Variants in ERICH4 observed in about 807,000 individuals in gnomAD.
ERICH4 encodes the protein glutamate-rich protein 4.
A neutral mutation model predicts 5.2 loss-of-function variants in ERICH4; 4 were observed. The ratio of observed to expected loss-of-function variants is 0.77; its 90% CI spans 0.38 to 1.76. ERICH4 has a LOEUF of 1.76. Among genes scored for constraint, ERICH4 ranks in the 40% most tolerant of loss-of-function variants. The probability of loss-of-function intolerance (pLI) is 0.04; values close to 1 mark genes in which losing one functional copy is unlikely to be tolerated. For missense variants in ERICH4, 164 were observed against 159.8 expected (o/e 1.03, Z -0.14); for synonymous variants, 75 against 68.7 (o/e 1.09, Z -0.45).
rs2040132439 is a variant in ERICH4, at chr19:41,443,250, C to A, written c.81C>A (p.Val27=). ...CACCCCCCCAGGCCCTGAGGGAGGT[C>A]TCCCCAGTGGAAATCCCTGGTCAGA... is the stretch of plus-strand genomic sequence containing the variant. ...LGPPPQALRE[V]SPVEIPGQTL... is the part of the protein sequence containing the mutation. The change falls in exon 1 of 2, where the codon GTC becomes GTA. Residue 27 remains valine, a synonymous_variant. Coordinates refer to ENST00000378187, the MANE Select transcript of ERICH4 (RefSeq NM_001130514.3). The A allele has an allele frequency of 6.9e-7, 1 of 1,441,114 alleles. No homozygotes were observed. The highest frequency in any genetic ancestry group is 9.2e-7 in the Non-Finnish European group (1 of 1,091,780). 89.3% of individuals were successfully genotyped at this position (1,441,114 alleles called of 1,614,324 possible).
chr19:41,443,970 G>T (rs1555773509), intron 1 of ERICH4, 36 bp from the exon 2 acceptor site: 7 of 1,513,052 alleles, frequency 4.6e-6, no homozygotes, highest in Non-Finnish European at 6.3e-6. Context: ...TGCTCTCTGG[G>T]GTGGCATCCC....
chr19:41,444,047 G>T lies in ERICH4; in HGVS notation c.216G>T (p.Leu72=). 2 of 1,550,762 alleles carry T rather than the reference G, an allele frequency of 1.3e-6. No individual in the cohort carries two copies. Among genetic ancestry groups the T allele is most frequent in the Non-Finnish European group, 1.7e-6 (2 of 1,146,660 alleles). The part of the protein sequence containing the change: ...RRVDVQLLGQ[L]CSLGLEMGAL... ...TGGATGTCCAGCTGCTGGGACAGCT[G>T]TGCAGCCTGGGGCTGGAGATGGGGG... is the stretch of plus-strand genomic sequence containing the variant. Residue 72 remains leucine, a synonymous_variant, in exon 2 of 2, where the codon CTG becomes CTT. Coordinates refer to ENST00000378187, the MANE Select transcript of ERICH4 (RefSeq NM_001130514.3).
In ERICH4 at chr19:41,443,176, C is replaced by G. The variant is rs782487252; in HGVS notation, c.7C>G (p.Leu3Val). Residue 3 changes from leucine (L) to valine (V), a missense_variant, in exon 1 of 2, where the codon CTG becomes GTG. Physicochemically the swap from Leu to Val is conservative, Grantham distance 32 (BLOSUM62 1). Coordinates refer to ENST00000378187, the MANE Select transcript of ERICH4 (RefSeq NM_001130514.3). ...CAGCCATAGCTCAGAGACGATGGAA[C>G]TGTGGAGGCAGCTGAATCAGGCTGG... is the stretch of plus-strand genomic sequence containing the variant. ME[L>V]WRQLNQAGLV... 130 of 1,471,372 alleles carry G rather than the reference C, an allele frequency of 8.8e-5. No homozygotes were observed. Among genetic ancestry groups the G allele is most frequent in the Non-Finnish European group, 1.2e-4 (128 of 1,109,584 alleles). The allele number at this position is 1,471,372 out of a possible 1,614,324, so 91.1% of individuals were successfully genotyped here. A position where few individuals can be genotyped will look rare whatever the true frequency, so the allele number is the denominator to read the frequency against.
At chr19:41,443,932 C>T (rs1355769112) in intron 1 of ERICH4, 74 bp from the exon 2 acceptor site, 8 of 1,214,044 alleles carry the variant, frequency 6.6e-6, no homozygotes, top group Non-Finnish European at 9.3e-6. Flanking sequence ...TTGGGACCTG[C>T]TCTCACCCAG....
At chr19:41,443,779 CAGAG>C (rs782077246) in intron 1 of ERICH4, among the ~76,000 whole-genome samples, 32 of 151,860 alleles carry the variant, frequency 2.1e-4, no homozygotes, top group African/African-American at 2.9e-4. Flanking sequence ...AGGGAGGAGA[CAGAG>C]AGAGAGAAGT....
In ERICH4 at chr19:41,443,229, C is replaced by A; in HGVS notation, c.60C>A (p.Pro20=). Residue 20 remains proline (P), a synonymous_variant, in exon 1 of 2, where the codon CCC becomes CCA. Coordinates refer to ENST00000378187, the MANE Select transcript of ERICH4 (RefSeq NM_001130514.3). The part of the protein sequence containing the change: ...AGLVPPGLGP[P]PQALREVSPV... Reference sequence around the variant, plus strand: ...TGGTGCCTCCGGGGCTGGGCCCACCCCCCCAGGCCCTGAGGGAGGTCTCCC... The same window carrying A: ...TGGTGCCTCCGGGGCTGGGCCCACCACCCCAGGCCCTGAGGGAGGTCTCCC... 1 of 1,463,436 alleles carries A rather than the reference C, an allele frequency of 6.8e-7. No individual in the cohort carries two copies. The highest frequency in any genetic ancestry group is 9.1e-7 in the Non-Finnish European group (1 of 1,103,742). 90.7% of individuals were successfully genotyped at this position (1,463,436 alleles called of 1,614,324 possible).
In ERICH4 at chr19:41,444,702, G is replaced by A. The variant is rs2040153249; in HGVS notation, c.*478G>A. ...ACATAAGACATCTCAATAATTTTTA[G>A]ATTACTTATTGAAATAATAATATTT... On this transcript the variant is annotated 3_prime_UTR_variant, in exon 2 of 2. Coordinates refer to ENST00000378187, the MANE Select transcript of ERICH4 (RefSeq NM_001130514.3). The A allele has an allele frequency of 6.2e-6, 1 of 160,504 alleles. No homozygotes were observed. The highest frequency in any genetic ancestry group is 2.4e-5 in the African/African-American group (1 of 41,444). The allele number at this position is 160,504 out of a possible 1,614,324, so 9.9% of individuals were successfully genotyped here.
chr19:41,444,032 G>C lies in ERICH4; in HGVS notation c.201G>C (p.Gln67His), dbSNP rs188198596. The change falls in exon 2 of 2, where the codon CAG (glutamine) becomes CAC (histidine). Residue 67 changes from glutamine (Q) to histidine (H), a missense_variant. Gln to His is a conservative substitution (Grantham distance 24). Transcript: ENST00000378187. ...GGAACCTGCGCCGAGTGGATGTCCA[G>C]CTGCTGGGACAGCTGTGCAGCCTGG... ...ELGNLRRVDV[Q>H]LLGQLCSLGL... is the part of the protein sequence containing the mutation. The C allele has an allele frequency of 8.2e-5, 127 of 1,550,100 alleles. No individual in the cohort carries two copies. In the African/African-American group the frequency reaches 1.6e-3, roughly 19 times the overall value.
chr19:41,444,037 T>C lies in ERICH4; in HGVS notation c.206T>C (p.Leu69Pro). The part of the protein sequence containing the change: ...GNLRRVDVQL[L>P]GQLCSLGLEM... ...CTGCGCCGAGTGGATGTCCAGCTGC[T>C]GGGACAGCTGTGCAGCCTGGGGCTG... is the stretch of plus-strand genomic sequence containing the variant. Residue 69 changes from leucine to proline, a missense_variant, in exon 2 of 2, where the codon CTG (leucine) becomes CCG (proline). By Grantham distance (98) the Leu-to-Pro change is moderately conservative (BLOSUM62 -3). Transcript: ENST00000378187. The C allele has an allele frequency of 6.5e-7, 1 of 1,550,218 alleles. No homozygotes were observed. Among genetic ancestry groups the C allele is most frequent in the Non-Finnish European group, 8.7e-7 (1 of 1,146,382 alleles).
Position 41,444,579 on chromosome 19 carries a change from A to G in ERICH4, c.*355A>G, listed in dbSNP as rs957173701. 4 of 302,510 alleles carry G rather than the reference A, an allele frequency of 1.3e-5. No homozygotes were observed. The highest frequency in any genetic ancestry group is 9.7e-5 in the Admixed American group (2 of 20,664). 18.7% of individuals were successfully genotyped at this position (302,510 alleles called of 1,614,324 possible). A position where few individuals can be genotyped will look rare whatever the true frequency, so the allele number is the denominator to read the frequency against. ...CCAGTATGGTAGCCACCGGACACACATGGTTATTTAGTGCTTGAAACATGG... is the reference window on the plus strand; with the variant it reads ...CCAGTATGGTAGCCACCGGACACACGTGGTTATTTAGTGCTTGAAACATGG... On this transcript the variant is annotated 3_prime_UTR_variant, in exon 2 of 2. Coordinates refer to ENST00000378187, the MANE Select transcript of ERICH4 (RefSeq NM_001130514.3).
intron 1 of ERICH4, 132 bp downstream of exon 1, chr19:41,443,475 C>A: frequency 1.4e-6 from 1 of 737,972 alleles, no homozygotes; most frequent in Non-Finnish European, 1.9e-6. Flanking sequence ...GAGGCATGTA[C>A]AGACACCGAG....
chr19:41,443,373 AAGAG>A, intron 1 of ERICH4, 30 bp downstream of exon 1: 1 of 1,293,744 alleles, frequency 7.7e-7, no homozygotes. Flanking sequence ...GGGAAAGAGA[AAGAG>A]AGGAAATGAG....
At position 41,444,175 on chromosome 19, in the gene ERICH4, T is replaced by C; in HGVS notation, c.344T>C (p.Leu115Pro). 1 of 1,552,078 alleles carries C rather than the reference T, an allele frequency of 6.4e-7. No individual in the cohort carries two copies. Among genetic ancestry groups the C allele is most frequent in the East Asian group, 2.4e-5 (1 of 40,922 alleles). ...CAGAGGAAGCAGGAGGAGGAACACC[T>C]GGAGGCCTGCCCAGCCCCACATCCA... ...EPQRKQEEEH[L>P]EACPAPHPPD... Residue 115 changes from leucine (L) to proline (P), a missense_variant, in exon 2 of 2, where the codon CTG becomes CCG. Coordinates refer to ENST00000378187, the MANE Select transcript of ERICH4 (RefSeq NM_001130514.3).
intron 1 of ERICH4, 24 bp from the exon 2 acceptor site, chr19:41,443,982 G>GT: frequency 6.5e-7 from 1 of 1,540,678 alleles, no homozygotes; most frequent in South Asian, 1.2e-5. Context: ...TGGCATCCCT[G>GT]TGACGTCCCC....
chr19:41,443,258 T>G lies in ERICH4; in HGVS notation c.89T>G (p.Val30Gly). ...CAGGCCCTGAGGGAGGTCTCCCCAGTGGAAATCCCTGGTCAGACCCTCAGG... is the reference window on the plus strand; with the variant it reads ...CAGGCCCTGAGGGAGGTCTCCCCAGGGGAAATCCCTGGTCAGACCCTCAGG... ...PPQALREVSPVEIPGQTLRTA... is the reference protein window; with the variant it reads ...PPQALREVSPGEIPGQTLRTA... The change falls in exon 1 of 2, where the codon GTG (valine) becomes GGG (glycine). Residue 30 changes from valine (V) to glycine (G), a missense_variant. Physicochemically the swap from Val to Gly is moderately radical, Grantham distance 109. Transcript: ENST00000378187. 1 of 1,424,000 alleles carries G rather than the reference T, an allele frequency of 7.0e-7. No homozygotes were observed. The highest frequency in any genetic ancestry group is 9.2e-7 in the Non-Finnish European group (1 of 1,081,890). 88.2% of individuals were successfully genotyped at this position (1,424,000 alleles called of 1,614,324 possible). A position where few individuals can be genotyped will look rare whatever the true frequency, so the allele number is the denominator to read the frequency against.
Position 41,444,512 on chromosome 19 carries a change from A to T in ERICH4, c.*288A>T. 1 of 479,582 alleles carries T rather than the reference A, an allele frequency of 2.1e-6. No homozygotes were observed. Among genetic ancestry groups the T allele is most frequent in the Non-Finnish European group, 3.8e-6 (1 of 261,424 alleles). The allele number at this position is 479,582 out of a possible 1,614,324, so 29.7% of individuals were successfully genotyped here. A position where few individuals can be genotyped will look rare whatever the true frequency, so the allele number is the denominator to read the frequency against. ...TGCTGAGATGGGGATCTCTGCAAAT[A>T]TGCTGGTGATGCATACAGATGCGAT... On this transcript the variant is annotated 3_prime_UTR_variant, in exon 2 of 2. Transcript: ENST00000378187.
chr19:41,444,604 G>A lies in ERICH4; in HGVS notation c.*380G>A. The A allele has an allele frequency of 4.0e-6, 1 of 250,852 alleles. No homozygotes were observed. Among genetic ancestry groups the A allele is most frequent in the Middle Eastern group, 1.4e-3 (1 of 700 alleles). 15.5% of individuals were successfully genotyped at this position (250,852 alleles called of 1,614,324 possible). On this transcript the variant is annotated 3_prime_UTR_variant, in exon 2 of 2. Transcript: ENST00000378187. ...ATGGTTATTTAGTGCTTGAAACATG[G>A]GGACTGCAAATTGAGATGTGCTGTG...
Position 41,444,507 on chromosome 19 carries a change from C to G in ERICH4, c.*283C>G. ...TGTGCTGCTGAGATGGGGATCTCTG[C>G]AAATATGCTGGTGATGCATACAGAT... On this transcript the variant is annotated 3_prime_UTR_variant, in exon 2 of 2. Transcript: ENST00000378187. The G allele has an allele frequency of 2.0e-6, 1 of 495,526 alleles. No individual in the cohort carries two copies. The highest frequency in any genetic ancestry group is 3.7e-5 in the East Asian group (1 of 26,780). 30.7% of individuals were successfully genotyped at this position (495,526 alleles called of 1,614,324 possible).
chr19:41,443,735 G>A (rs2040138873), intron 1 of ERICH4, among the ~76,000 whole-genome samples: 1 of 152,156 alleles, frequency 6.6e-6, no homozygotes, highest in African/African-American at 2.4e-5. Flanking sequence ...TGGGGACAGA[G>A]ACAAAGGGAA....
Sources: gnomAD v4.1 joint callset for allele counts (sites outside exome capture counted in the v4.1 genomes callset) on GRCh38, gnomAD v4.1.1 for gene constraint, MANE v1.5 for transcripts, NCBI Gene and HGNC (gene_info 2026-07-23, HGNC 2026-07-21) for gene names.